Variants in SLC2A9 observed in about 807,000 individuals in gnomAD.
SLC2A9 encodes solute carrier family 2 member 9.
Under a neutral mutation model 50.6 loss-of-function variants are expected in SLC2A9, and 39 were observed. That is an observed-to-expected ratio of 0.77 (90% CI 0.60 to 1.01). The LOEUF (loss-of-function observed/expected upper bound fraction) is 1.01. SLC2A9 is among the 50% of genes least tolerant of loss of function. SLC2A9 has a pLI of 0.00. For missense variants in SLC2A9, 686 were observed against 677.6 expected (o/e 1.01, Z -0.14); for synonymous variants, 324 against 276.9 (o/e 1.17, Z -1.69).
intron 1 of SLC2A9, among the ~76,000 whole-genome samples, chr4:10,029,574 A>ATTT (rs1470059431): frequency 9.5e-5 from 7 of 73,786 alleles, no homozygotes. Context: ...TATTTATTTT[A>ATTT]TATTTTTATT....
intron 5 of SLC2A9, among the ~76,000 whole-genome samples, chr4:9,952,534 G>T (rs117378155): frequency 1.1e-4 from 7 of 66,504 alleles, no homozygotes; most frequent in Non-Finnish European, 1.3e-4. Flanking sequence ...AGATCTGTCT[G>T]TCTTTTTTTT....
chr4:9,787,588 T>A (rs569922465), intron 3 of SLC2A9, among the ~76,000 whole-genome samples: 3 of 152,362 alleles, frequency 2.0e-5, no homozygotes, highest in Admixed American at 6.5e-5. Context: ...ATCTACAGAC[T>A]TTATTCAGAC....
intron 3 of SLC2A9, among the ~76,000 whole-genome samples, chr4:9,781,376 TC>T (rs1430219049): frequency 1.3e-5 from 2 of 152,192 alleles, no homozygotes; most frequent in Non-Finnish European, 2.9e-5. Flanking sequence ...CACCTCTTGT[TC>T]CCCAAGCGTG....
At chr4:9,930,674 T>C (rs1395374951) in intron 6 of SLC2A9, among the ~76,000 whole-genome samples, 1 of 152,230 alleles carries the variant, frequency 6.6e-6, no homozygotes, top group Non-Finnish European at 1.5e-5. Flanking sequence ...GAAAAGAGTT[T>C]CCCAAGAGGA....
rs188941768 is a variant in SLC2A9 at position 9,991,343 on chromosome 4, G to A, written c.410+5438C>T. Among the ~76,000 whole-genome samples the A allele has an allele frequency of 2.2e-4, 33 of 152,330 alleles. No homozygotes were observed. The East Asian group carries it at 3.5e-3, about 16-fold the overall frequency. ...TGAAAGAAGAGGTTGTCAGCAGCAC[G>A]GTGTGTTGCTCAGTCATGGACTAAA... On this transcript the variant is annotated intron_variant, in intron 3 of 11. Transcript: ENST00000264784.
chr4:10,026,498 TTCCACCACC>T (rs1463472710), intron 1 of SLC2A9, among the ~76,000 whole-genome samples: 4 of 152,178 alleles, frequency 2.6e-5, no homozygotes, highest in Non-Finnish European at 5.9e-5. Flanking sequence ...GACCCAGCAA[TTCCACCACC>T]ACATCGATGC....
At chr4:9,818,145 G>C (rs1204791399) in intron 3 of SLC2A9, among the ~76,000 whole-genome samples, 2 of 152,112 alleles carry the variant, frequency 1.3e-5, no homozygotes, top group African/African-American at 4.8e-5. Flanking sequence ...CTGGGTCGTG[G>C]ATGACCCTAG....
intron 7 of SLC2A9, among the ~76,000 whole-genome samples, chr4:9,916,550 G>A (rs1742879136): frequency 6.6e-6 from 1 of 152,202 alleles, no homozygotes; most frequent in African/African-American, 2.4e-5. Flanking sequence ...CATGCAAGCT[G>A]AGCAGCTGCC....
intron 6 of SLC2A9, among the ~76,000 whole-genome samples, chr4:9,931,104 A>G (rs1745812640): frequency 6.6e-6 from 1 of 152,208 alleles, no homozygotes; most frequent in African/African-American, 2.4e-5. Context: ...TTTAAAAATT[A>G]CATGAGTTTA....
chr4:9,785,485 T>C (rs1464350761), intron 3 of SLC2A9, among the ~76,000 whole-genome samples: 1 of 152,240 alleles, frequency 6.6e-6, no homozygotes, highest in Non-Finnish European at 1.5e-5. Flanking sequence ...AGTCACGACT[T>C]GAGAAACTCA....
chr4:9,841,186 C>G (rs1006937924), intron 10 of SLC2A9, among the ~76,000 whole-genome samples: 22 of 152,176 alleles, frequency 1.4e-4, no homozygotes, highest in African/African-American at 5.1e-4. Context: ...TCTTCATTTA[C>G]TTCTTATGTT....
chr4:9,925,711 C>A (rs923904204), intron 6 of SLC2A9, among the ~76,000 whole-genome samples: 60 of 152,102 alleles, frequency 3.9e-4, no homozygotes, highest in African/African-American at 1.4e-3. Context: ...ACATCCAACC[C>A]ATGTGTTTTG....
intron 10 of SLC2A9, among the ~76,000 whole-genome samples, chr4:9,841,175 CTCTTCAT>C (rs754640850): frequency 6.6e-6 from 1 of 152,192 alleles, no homozygotes; most frequent in Non-Finnish European, 1.5e-5. Context: ...TGCAGATCCA[CTCTTCAT>C]TTACTTCTTA....
intron 3 of SLC2A9, among the ~76,000 whole-genome samples, chr4:9,780,856 C>G (rs996810594): frequency 1.3e-5 from 2 of 152,136 alleles, no homozygotes; most frequent in African/African-American, 4.8e-5. Context: ...AGCTATTTAT[C>G]CATCCCTCTC....
At chr4:9,943,685 C>T (rs1748596020) in intron 5 of SLC2A9, among the ~76,000 whole-genome samples, 1 of 152,072 alleles carries the variant, frequency 6.6e-6, no homozygotes, top group African/African-American at 2.4e-5. Flanking sequence ...AAAGAAAGAC[C>T]AGGAAGAAAA....
At chr4:9,786,826 G>A (rs1719281305) in intron 3 of SLC2A9, among the ~76,000 whole-genome samples, 2 of 152,206 alleles carry the variant, frequency 1.3e-5, no homozygotes, top group African/African-American at 2.4e-5. Context: ...AATGTCTGGA[G>A]ACATTTTTGG....
In SLC2A9 at chr4:9,980,695, G is replaced by C; in HGVS notation, c.578C>G (p.Ser193Ter). The change falls in exon 5 of 12, where the codon TCA (serine) becomes TGA (stop). Residue 193 changes from serine (S) to a stop codon, truncating the protein, a stop_gained. Coordinates refer to ENST00000264784, the MANE Select transcript of SLC2A9 (RefSeq NM_020041.3). LOFTEE classifies it high-confidence loss of function. ...CAGAGAGCCACGGATCTCCTTGGGT[G>C]AGATCTCACTAAGGTACATGGGGAG... is the stretch of plus-strand genomic sequence containing the variant. Reference protein sequence around the residue: ...SVLPMYLSEISPKEIRGSLGQ... With the variant: ...SVLPMYLSEI The C allele has an allele frequency of 6.2e-7, 1 of 1,614,150 alleles. No homozygotes were observed.
At chr4:9,954,225 A>C (rs1490758992) in intron 5 of SLC2A9, among the ~76,000 whole-genome samples, 2 of 152,282 alleles carry the variant, frequency 1.3e-5, no homozygotes, top group Non-Finnish European at 2.9e-5. Context: ...GGCATGAGCC[A>C]ATGTGCCCAG....
At chr4:9,938,588 G>T (rs574691966) in intron 6 of SLC2A9, among the ~76,000 whole-genome samples, 1 of 152,182 alleles carries the variant, frequency 6.6e-6, no homozygotes, top group South Asian at 2.1e-4. Flanking sequence ...TGCTATTATG[G>T]TTGTCTTTAT....
Sources: allele counts gnomAD v4.1 joint callset (sites outside exome capture counted in the v4.1 genomes callset), GRCh38; gene constraint gnomAD v4.1.1; transcripts MANE v1.5; gene names NCBI Gene and HGNC (gene_info 2026-07-23, HGNC 2026-07-21).